Variants in PHF20 observed in about 807,000 individuals in gnomAD.
PHF20 encodes the protein glioma-expressed antigen 2.
In PHF20, 23 loss-of-function variants were observed where a neutral mutation model predicts 113.5. The ratio of observed to expected loss-of-function variants is 0.20; its 90% CI spans 0.15 to 0.29. The LOEUF (loss-of-function observed/expected upper bound fraction) is 0.29. PHF20 is among the 10% of genes least tolerant of loss of function. PHF20 has a pLI of 1.00. For synonymous variants in PHF20, 434 were observed against 457.3 expected, an observed-to-expected ratio of 0.95 and a Z score of 0.65; for missense variants, 943 against 1,219.6, an observed-to-expected ratio of 0.77 and a Z score of 3.38.
chr20:35,807,790 A>G (rs1181220480), intron 2 of PHF20, among the ~76,000 whole-genome samples: 1 of 152,178 alleles, frequency 6.6e-6, no homozygotes, highest in Non-Finnish European at 1.5e-5. Context: ...CATTTATGAG[A>G]TTGTTGGAAG....
intron 13 of PHF20, among the ~76,000 whole-genome samples, chr20:35,922,051 G>T (rs1202571912): frequency 1.3e-5 from 2 of 152,214 alleles, no homozygotes; most frequent in Non-Finnish European, 2.9e-5. Context: ...GCTATATGAA[G>T]AAACTAATTT....
At chr20:35,798,744 A>G (rs2041718916) in intron 1 of PHF20, among the ~76,000 whole-genome samples, 1 of 151,056 alleles carries the variant, frequency 6.6e-6, no homozygotes, top group Admixed American at 6.6e-5. Flanking sequence ...ATGAGCCACC[A>G]TGCCTGGCCT....
intron 16 of PHF20, 68 bp downstream of exon 16, chr20:35,939,176 G>T (rs770524679): frequency 1.1e-5 from 15 of 1,427,816 alleles, no homozygotes; most frequent in Non-Finnish European, 1.3e-5. Context: ...CTCCTAGTTT[G>T]AATGCTCTAT....
intron 1 of PHF20, among the ~76,000 whole-genome samples, chr20:35,796,151 A>G (rs1440963335): frequency 2.0e-5 from 3 of 151,922 alleles, no homozygotes; most frequent in African/African-American, 4.8e-5. Context: ...CACCCAGACT[A>G]TACATTTTTT....
intron 1 of PHF20, among the ~76,000 whole-genome samples, chr20:35,786,689 T>A (rs6060603): frequency 0.98 from 149,444 of 152,176 alleles, 73,437 homozygotes; most frequent in Middle Eastern, 1. Flanking sequence ...CGACAGAGCT[T>A]GACTCCGTCT....
chr20:35,843,517 A>G (rs967212548), intron 3 of PHF20, among the ~76,000 whole-genome samples: 3 of 137,670 alleles, frequency 2.2e-5, no homozygotes, highest in African/African-American at 8.3e-5. Flanking sequence ...GTGATATTCC[A>G]TCTCAAAAAA....
chr20:35,889,389 TCTCA>T (rs2054805730), intron 9 of PHF20, among the ~76,000 whole-genome samples: 1 of 151,872 alleles, frequency 6.6e-6, no homozygotes, highest in South Asian at 2.1e-4. Flanking sequence ...TGAGACAGAG[TCTCA>T]CTCTGTCACC....
At chr20:35,923,924 T>C (rs953032353) in intron 13 of PHF20, among the ~76,000 whole-genome samples, 6 of 152,012 alleles carry the variant, frequency 3.9e-5, no homozygotes, top group African/African-American at 1.4e-4. Context: ...GCTAATTTCT[T>C]TAATTTTTTT....
chr20:35,904,638 A>T (rs6058358), intron 10 of PHF20, among the ~76,000 whole-genome samples: 39,319 of 151,640 alleles, frequency 0.26, 6,123 homozygotes, highest in African/African-American at 0.44. Flanking sequence ...ACTCCTCAAT[A>T]TCTGGGTTGG....
intron 3 of PHF20, chr20:35,845,440 A>G (rs1461100394): frequency 1.3e-5 from 5 of 382,400 alleles, no homozygotes; most frequent in Middle Eastern, 6.8e-4. Flanking sequence ...GTCTTGGCTT[A>G]ATGTAGCCTT....
intron 1 of PHF20, among the ~76,000 whole-genome samples, chr20:35,791,064 G>T (rs1385675776): frequency 4.6e-5 from 7 of 151,950 alleles, no homozygotes; most frequent in African/African-American, 1.7e-4. Flanking sequence ...TCACCATGTT[G>T]GCCAGGCTGG....
chr20:35,907,205 C>T (rs567913993), intron 10 of PHF20, among the ~76,000 whole-genome samples: 2 of 152,256 alleles, frequency 1.3e-5, no homozygotes, highest in African/African-American at 4.8e-5. Context: ...GACAGTTGTC[C>T]CTCTGCTCTC....
rs1223483919 is a variant in PHF20 at position 35,820,484 on chromosome 20, T to G, written c.83+18879T>G. Among the ~76,000 whole-genome samples the G allele has an allele frequency of 4.0e-5, 6 of 149,652 alleles. No individual in the cohort carries two copies. The Admixed American group carries it at 4.0e-4, about 10-fold the overall frequency. ...TTTTTTGTGAGATGGAGTCTCACTCTGCCACCCAGGCTGGAGTGCAGTGGC... is the reference window on the plus strand; with the variant it reads ...TTTTTTGTGAGATGGAGTCTCACTCGGCCACCCAGGCTGGAGTGCAGTGGC... On this transcript the variant is annotated intron_variant, in intron 2 of 17. Coordinates refer to ENST00000374012, the MANE Select transcript of PHF20 (RefSeq NM_016436.5).
intron 13 of PHF20, among the ~76,000 whole-genome samples, chr20:35,927,237 A>G (rs780731361): frequency 6.6e-6 from 1 of 152,236 alleles, no homozygotes; most frequent in Non-Finnish European, 1.5e-5. Flanking sequence ...AATGCAAAGT[A>G]CTAACCCATG....
chr20:35,822,729 T>A (rs2042191161), intron 2 of PHF20, among the ~76,000 whole-genome samples: 1 of 151,258 alleles, frequency 6.6e-6, no homozygotes, highest in South Asian at 2.1e-4. Context: ...TCCTAGCTAC[T>A]TGGGAGGCTG....
chr20:35,807,271 C>A (rs1468990404), intron 2 of PHF20, among the ~76,000 whole-genome samples: 2 of 151,706 alleles, frequency 1.3e-5, no homozygotes, highest in African/African-American at 2.4e-5. Flanking sequence ...TGTTTTATAA[C>A]CTCCATAAAG....
At position 35,870,819 on chromosome 20, in the gene PHF20, C is replaced by T. The variant is rs1376047162; in HGVS notation, c.923-136C>T. 15 of 571,908 alleles carry T rather than the reference C, an allele frequency of 2.6e-5. No individual in the cohort carries two copies. In the Middle Eastern group the frequency reaches 4.2e-3, roughly 160 times the overall value. 35.4% of individuals were successfully genotyped at this position (571,908 alleles called of 1,614,324 possible). On this transcript the variant is annotated intron_variant, in intron 7 of 17. Coordinates refer to ENST00000374012, the MANE Select transcript of PHF20 (RefSeq NM_016436.5). ...AACTGTAAACTAGTAAAGGGTATTT[C>T]CTTTTATCACTACTCTAACATTCCA...
At chr20:35,855,091 C>T (rs1349308941) in intron 4 of PHF20, 1 of 199,342 alleles carries the variant, frequency 5.0e-6, no homozygotes, top group African/African-American at 2.4e-5. Context: ...TTTGTTGGCA[C>T]ACATAATATT....
At position 35,938,814 on chromosome 20, in the gene PHF20, T is replaced by A; in HGVS notation, c.2418T>A (p.Ala806=). The A allele has an allele frequency of 6.2e-7, 1 of 1,614,136 alleles. No individual in the cohort carries two copies. Among genetic ancestry groups the A allele is most frequent in the Non-Finnish European group, 8.5e-7 (1 of 1,180,010 alleles). Residue 806 remains alanine, a synonymous_variant, in exon 16 of 18, where the codon GCT becomes GCA. Transcript: ENST00000374012. ...PVTDTRSKEE[A]PSYRTLNGAV... ...CTGACACCAGGAGCAAGGAGGAAGC[T>A]CCAAGCTATAGAACTTTGAACGGGG...
Sources: gnomAD v4.1 joint callset for allele counts (sites outside exome capture counted in the v4.1 genomes callset) on GRCh38, gnomAD v4.1.1 for gene constraint, MANE v1.5 for transcripts, NCBI Gene and HGNC (gene_info 2026-07-23, HGNC 2026-07-21) for gene names.